Variants in BCAS1 observed in about 807,000 individuals in gnomAD.
The protein encoded by BCAS1 is breast carcinoma-amplified sequence 1.
BCAS1 carries 46 observed loss-of-function variants against 65.4 expected under a neutral mutation model. The observed-to-expected ratio is 0.70, with a 90% CI of 0.55 to 0.90. The LOEUF (loss-of-function observed/expected upper bound fraction) is 0.90. Ranked by LOEUF, BCAS1 falls within the 40% of genes least tolerant of loss-of-function variation. The pLI is 0.00. For missense variants in BCAS1, 793 were observed against 771.2 expected (o/e 1.03, Z -0.33); for synonymous variants, 298 against 293.5 (o/e 1.02, Z -0.16).
At chr20:54,018,249 T>C (rs1235797510) in intron 4 of BCAS1, among the ~76,000 whole-genome samples, 1 of 152,210 alleles carries the variant, frequency 6.6e-6, no homozygotes, top group Admixed American at 6.5e-5. Flanking sequence ...GTTTGCTTGT[T>C]AATTCTCTTT....
intron 4 of BCAS1, among the ~76,000 whole-genome samples, chr20:54,006,079 A>T (rs995944527): frequency 6.6e-6 from 1 of 152,148 alleles, no homozygotes. Flanking sequence ...CACAGGGCAA[A>T]GGGGCTAAAC....
intron 3 of BCAS1, among the ~76,000 whole-genome samples, chr20:54,050,081 A>C (rs1342015157): frequency 1.3e-5 from 2 of 152,174 alleles, no homozygotes; most frequent in Admixed American, 6.5e-5. Context: ...GGTCACCTAC[A>C]TTCCTTGGCT....
At chr20:54,043,439 A>G (rs1292277164) in intron 3 of BCAS1, among the ~76,000 whole-genome samples, 7 of 152,198 alleles carry the variant, frequency 4.6e-5, no homozygotes, top group African/African-American at 1.7e-4. Context: ...TGGTTTGGCC[A>G]ACACAGTGTT....
intron 3 of BCAS1, among the ~76,000 whole-genome samples, chr20:54,057,818 T>C (rs1442077804): frequency 6.6e-6 from 1 of 152,136 alleles, no homozygotes; most frequent in South Asian, 2.1e-4. Context: ...GAGAGGGGCG[T>C]GGAACACGTT....
intron 4 of BCAS1, among the ~76,000 whole-genome samples, chr20:54,023,776 AT>A (rs1034106800): frequency 1.3e-5 from 2 of 152,196 alleles, no homozygotes; most frequent in African/African-American, 4.8e-5. Flanking sequence ...GGACACTAAC[AT>A]TTCTATTGTT....
intron 8 of BCAS1, among the ~76,000 whole-genome samples, chr20:53,979,673 T>C (rs909338869): frequency 1.3e-5 from 2 of 152,156 alleles, no homozygotes; most frequent in African/African-American, 4.8e-5. Context: ...AGTAGGGACA[T>C]ATGGCAGCCC....
chr20:53,970,657 G>T (rs1183447341), intron 9 of BCAS1, among the ~76,000 whole-genome samples: 1 of 152,114 alleles, frequency 6.6e-6, no homozygotes, highest in South Asian at 2.1e-4. Flanking sequence ...AAGATGGCAG[G>T]TACATCTAAC....
At chr20:53,967,115 C>A in intron 9 of BCAS1, 42 bp from the exon 10 acceptor site, 1 of 1,597,252 alleles carries the variant, frequency 6.3e-7, no homozygotes, top group South Asian at 1.1e-5. Context: ...AAAAACAAAA[C>A]ATTCCCCCAA....
At chr20:53,955,539 G>C (rs1188214713) in intron 11 of BCAS1, among the ~76,000 whole-genome samples, 1 of 152,180 alleles carries the variant, frequency 6.6e-6, no homozygotes, top group Non-Finnish European at 1.5e-5. Context: ...GAGTGGCTAA[G>C]AACTCAGTGT....
At chr20:53,983,395 A>G (rs12625473) in intron 8 of BCAS1, among the ~76,000 whole-genome samples, 33,763 of 152,098 alleles carry the variant, frequency 0.22, 4,743 homozygotes, top group Non-Finnish European at 0.31. Context: ...TGACATAGGT[A>G]CTATTATCAT....
At chr20:54,053,239 TA>T (rs1159563748) in intron 3 of BCAS1, among the ~76,000 whole-genome samples, 2 of 152,248 alleles carry the variant, frequency 1.3e-5, no homozygotes, top group Admixed American at 6.5e-5. Context: ...TATTGTTACT[TA>T]AGATGAATAA....
intron 1 of BCAS1, among the ~76,000 whole-genome samples, chr20:54,065,113 C>CTATCATCT (rs145556308): frequency 8.3e-5 from 12 of 144,176 alleles, no homozygotes; most frequent in African/African-American, 2.6e-4. Context: ...ATCTATCTAT[C>CTATCATCT]ATCTATCTAT....
intron 3 of BCAS1, among the ~76,000 whole-genome samples, chr20:54,033,209 C>T (rs1159037799): frequency 2.0e-5 from 3 of 150,956 alleles, no homozygotes; most frequent in South Asian, 2.1e-4. Flanking sequence ...AAAGAGCTCA[C>T]GTTAACAATC....
At chr20:54,045,862 T>C (rs1054710109) in intron 3 of BCAS1, among the ~76,000 whole-genome samples, 1 of 152,262 alleles carries the variant, frequency 6.6e-6, no homozygotes, top group South Asian at 2.1e-4. Flanking sequence ...TCTATTCAGA[T>C]ACACTCTTTG....
chr20:54,054,839 C>A (rs774915602), intron 3 of BCAS1, among the ~76,000 whole-genome samples: 7 of 152,108 alleles, frequency 4.6e-5, no homozygotes, highest in Non-Finnish European at 1.0e-4. Flanking sequence ...TATTTCCCTC[C>A]TTTTGGGAAC....
At chr20:53,958,257 C>T (rs2089764379) in intron 10 of BCAS1, among the ~76,000 whole-genome samples, 1 of 152,194 alleles carries the variant, frequency 6.6e-6, no homozygotes, top group African/African-American at 2.4e-5. Context: ...CAGACTCATG[C>T]TGGGGTCTGT....
intron 7 of BCAS1, among the ~76,000 whole-genome samples, chr20:53,990,354 C>A (rs991321265): frequency 6.6e-6 from 1 of 152,008 alleles, no homozygotes; most frequent in African/African-American, 2.4e-5. Context: ...GCCATTAGGC[C>A]GAGAAAAATG....
intron 9 of BCAS1, among the ~76,000 whole-genome samples, chr20:53,968,540 A>G (rs550087495): frequency 3.9e-5 from 6 of 152,354 alleles, no homozygotes; most frequent in African/African-American, 1.2e-4. Context: ...CATTTGATTC[A>G]GGGAGTTGCC....
At chr20:54,016,218 G>C (rs2091435279) in intron 4 of BCAS1, among the ~76,000 whole-genome samples, 1 of 152,100 alleles carries the variant, frequency 6.6e-6, no homozygotes, top group Non-Finnish European at 1.5e-5. Flanking sequence ...CAATATGAAA[G>C]ACCTATTGGA....
Sources: gnomAD v4.1 joint callset for allele counts (sites outside exome capture counted in the v4.1 genomes callset) on GRCh38, gnomAD v4.1.1 for gene constraint, MANE v1.5 for transcripts, NCBI Gene and HGNC (gene_info 2026-07-23, HGNC 2026-07-21) for gene names.